The following COPG2 variants were observed in gnomAD, a reference collection of about 807,000 sequenced individuals.
The protein encoded by COPG2 is coatomer subunit gamma-2.
A neutral mutation model predicts 46.3 loss-of-function variants in COPG2; 37 were observed. The observed-to-expected ratio is 0.80, with a 90% CI of 0.61 to 1.05. The LOEUF is 1.05. Among genes scored for constraint, COPG2 ranks in the 50% least tolerant of loss-of-function variants. COPG2 has a pLI of 0.00. For synonymous variants in COPG2, 159 were observed against 129.7 expected, an observed-to-expected ratio of 1.23 and a Z score of -1.53; for missense variants, 427 against 387.8, an observed-to-expected ratio of 1.10 and a Z score of -0.85.
chr7:130,666,050 A>G (rs974303787), intron 3 of COPG2, among the ~76,000 whole-genome samples: 3 of 152,204 alleles, frequency 2.0e-5, no homozygotes, highest in South Asian at 2.1e-4. Flanking sequence ...GACTATTCTC[A>G]GTGCTTTACA....
In COPG2 at chr7:130,588,206, A is replaced by C. The variant is rs1794321690; in HGVS notation, c.737+22747T>G. ...CTTTTACACTGTTGGTGGGACTGTAAACTAGTTCAACCATTGTGGAAGTCA... is the reference window on the plus strand; with the variant it reads ...CTTTTACACTGTTGGTGGGACTGTACACTAGTTCAACCATTGTGGAAGTCA... On this transcript the variant is annotated intron_variant, in intron 9 of 23. Transcript: ENST00000425248. 2.6e-5 allele frequency among the ~76,000 whole-genome samples: 4 copies of C among 151,878 alleles called. 1 individual carries two copies. Among genetic ancestry groups the C allele is most frequent in the Admixed American group, 2.6e-4 (4 of 15,242 alleles).
intron 3 of COPG2, 54 bp downstream of exon 3, chr7:130,666,795 T>A: frequency 1.3e-6 from 1 of 778,080 alleles, no homozygotes; most frequent in Non-Finnish European, 2.1e-6. Flanking sequence ...TCACTGAATC[T>A]TCAGTATTTC....
intron 12 of COPG2, among the ~76,000 whole-genome samples, chr7:130,555,484 A>C (rs1340995959): frequency 1.3e-5 from 2 of 152,236 alleles, no homozygotes; most frequent in African/African-American, 4.8e-5. Flanking sequence ...AAAGCTATCA[A>C]GGAACTACTT....
chr7:130,528,076 G>C (rs1327729975), intron 20 of COPG2, among the ~76,000 whole-genome samples: 8 of 152,046 alleles, frequency 5.3e-5, no homozygotes, highest in African/African-American at 1.7e-4. Flanking sequence ...TAAGGAGGGA[G>C]GAGGCAGGAG....
chr7:130,607,240 CATAAATAAATAAATAA>C (rs5887469), intron 9 of COPG2, among the ~76,000 whole-genome samples: 32 of 145,964 alleles, frequency 2.2e-4, no homozygotes, highest in South Asian at 6.7e-4. Context: ...GAGAGACTGT[CATAAATAAATAAATAA>C]ATAAATAAAT....
chr7:130,589,778 G>A lies in COPG2; in HGVS notation c.737+21175C>T, dbSNP rs551115374. Among the ~76,000 whole-genome samples, 10 of 152,234 alleles carry A rather than the reference G, an allele frequency of 6.6e-5. No individual in the cohort carries two copies. The South Asian group carries it at 2.1e-3, about 32-fold the overall frequency. ...TTAGTCTGCATTTCTCTAATCAATA[G>A]TGAGGTGATGCTTATTTTTGTTTAT... On this transcript the variant is annotated intron_variant, in intron 9 of 23. Transcript: ENST00000425248.
chr7:130,509,050 A>G (rs533522267), intron 20 of COPG2: 1 of 474,100 alleles, frequency 2.1e-6, no homozygotes, highest in Non-Finnish European at 4.2e-6. Flanking sequence ...CAAAAAAAAA[A>G]CCTGTGGTAA....
At chr7:130,663,113 AT>A (rs1191147342) in intron 3 of COPG2, 75 bp from the exon 4 acceptor site, 2 of 737,082 alleles carry the variant, frequency 2.7e-6, no homozygotes, top group African/African-American at 3.7e-5. Flanking sequence ...CACACACAGG[AT>A]TTTCTATTTC....
chr7:130,522,721 C>T (rs978741994), intron 20 of COPG2, among the ~76,000 whole-genome samples: 2 of 151,254 alleles, frequency 1.3e-5, no homozygotes, highest in South Asian at 2.1e-4. Flanking sequence ...AGTTAGAATG[C>T]GAAAAACACA....
rs1793421888 is a variant in COPG2 at position 130,545,277 on chromosome 7, T to C, written c.2149+2397A>G. ...CAGTCAGTATGTAGCAGGGCCAGCA[T>C]TCAAATCCTCATCTGTCTATCAAAC... On this transcript the variant is annotated intron_variant, in intron 20 of 23. Transcript: ENST00000425248. Among the ~76,000 whole-genome samples, 5 of 152,152 alleles carry C rather than the reference T, an allele frequency of 3.3e-5. No individual in the cohort carries two copies. The South Asian group carries it at 1.0e-3, about 31-fold the overall frequency.
At chr7:130,615,364 A>C (rs1794933011) in intron 6 of COPG2, among the ~76,000 whole-genome samples, 1 of 152,032 alleles carries the variant, frequency 6.6e-6, no homozygotes, top group African/African-American at 2.4e-5. Flanking sequence ...ATTGTCAATG[A>C]GCTGATGAGC....
intron 4 of COPG2, among the ~76,000 whole-genome samples, chr7:130,658,216 AAAC>A (rs1795894702): frequency 1.3e-5 from 2 of 152,242 alleles, no homozygotes; most frequent in South Asian, 4.1e-4. Flanking sequence ...AAATAAAAAT[AAAC>A]TACTGATACA....
At chr7:130,654,212 A>C (rs1554459565) in intron 4 of COPG2, among the ~76,000 whole-genome samples, 1 of 152,246 alleles carries the variant, frequency 6.6e-6, no homozygotes, top group Non-Finnish European at 1.5e-5. Flanking sequence ...ATACTGCATA[A>C]ACAAATACAC....
intron 20 of COPG2, among the ~76,000 whole-genome samples, chr7:130,537,883 G>A (rs1044958426): frequency 2.6e-5 from 4 of 152,196 alleles, no homozygotes; most frequent in Admixed American, 6.5e-5. Context: ...GTGTAGAGGT[G>A]TTGGCACCTT....
Position 130,506,496 on chromosome 7 carries a change from A to AAAAAAC in COPG2, c.*179_*180insGTTTTT. On this transcript the variant is annotated 3_prime_UTR_variant, in exon 24 of 24. Coordinates refer to ENST00000425248, the MANE Select transcript of COPG2 (RefSeq NM_012133.6). ...AAGTAGAATAAAAAGAAAAAAAAAAAAAAACAACCCATGCGCAAAGATAGA... is the reference window on the plus strand; with the variant it reads ...AAGTAGAATAAAAAGAAAAAAAAAAAAAAAACAAAACAACCCATGCGCAAAGATAGA... 4.5e-6 allele frequency: 2 copies of AAAAAAC among 443,160 alleles called. No homozygotes were observed. The highest frequency in any genetic ancestry group is 7.9e-5 in the South Asian group (2 of 25,222). 27.5% of individuals were successfully genotyped at this position (443,160 alleles called of 1,614,324 possible). A position where few individuals can be genotyped will look rare whatever the true frequency, so the allele number is the denominator to read the frequency against.
At chr7:130,513,651 C>T (rs1412406754) in intron 20 of COPG2, among the ~76,000 whole-genome samples, 3 of 151,804 alleles carry the variant, frequency 2.0e-5, no homozygotes, top group Non-Finnish European at 4.4e-5. Context: ...AGTGAAAGGT[C>T]AAGGAGTTTA....
intron 20 of COPG2, 29 bp from the exon 21 acceptor site, chr7:130,508,688 C>T (rs781976959): frequency 1.2e-5 from 9 of 738,968 alleles, no homozygotes; most frequent in Non-Finnish European, 2.3e-5. Flanking sequence ...AAACCTGCAT[C>T]AGTGGGGAGT....
intron 5 of COPG2, among the ~76,000 whole-genome samples, chr7:130,645,783 C>G (rs1233777205): frequency 6.6e-6 from 1 of 152,094 alleles, no homozygotes; most frequent in Non-Finnish European, 1.5e-5. Flanking sequence ...TCTGGTGAAG[C>G]TTTCCCAAGT....
intron 20 of COPG2, among the ~76,000 whole-genome samples, chr7:130,527,078 G>A (rs1799781831): frequency 6.6e-6 from 1 of 151,858 alleles, no homozygotes; most frequent in African/African-American, 2.4e-5. Flanking sequence ...GAATCCAGTA[G>A]AGTAGCTTCA....
Sources: gnomAD v4.1 joint callset for allele counts (sites outside exome capture counted in the v4.1 genomes callset) on GRCh38, gnomAD v4.1.1 for gene constraint, MANE v1.5 for transcripts, NCBI Gene and HGNC (gene_info 2026-07-23, HGNC 2026-07-21) for gene names.